The following CAMSAP2 variants were observed in gnomAD, a reference collection of about 807,000 sequenced individuals.
CAMSAP2 encodes calmodulin regulated spectrin associated protein family member 2.
A neutral mutation model predicts 146.1 loss-of-function variants in CAMSAP2; 26 were observed. That is an observed-to-expected ratio of 0.18 (90% CI 0.13 to 0.25). CAMSAP2 has a LOEUF of 0.25. CAMSAP2 is among the 10% of genes least tolerant of loss of function. CAMSAP2 has a pLI of 1.00. For synonymous variants in CAMSAP2, 499 were observed against 596.6 expected (o/e 0.84, Z 2.38); for missense variants, 1,381 against 1,759.3 (o/e 0.78, Z 3.85).
intron 11 of CAMSAP2, among the ~76,000 whole-genome samples, chr1:200,851,617 T>C (rs540955972): frequency 6.6e-6 from 1 of 152,364 alleles, no homozygotes; most frequent in East Asian, 1.9e-4. Flanking sequence ...ATCTTCTGAC[T>C]TTCTCCATTC....
intron 2 of CAMSAP2, among the ~76,000 whole-genome samples, chr1:200,787,241 C>T (rs1665619512): frequency 6.6e-6 from 1 of 152,126 alleles, no homozygotes; most frequent in Admixed American, 6.5e-5. Flanking sequence ...AGTGATTCCT[C>T]TGTTGGATCT....
chr1:200,843,997 G>T (rs1200071203), intron 7 of CAMSAP2, among the ~76,000 whole-genome samples: 1 of 151,832 alleles, frequency 6.6e-6, no homozygotes, highest in East Asian at 2.0e-4. Context: ...TCAGCCTCCT[G>T]AGTAGCTGGG....
chr1:200,762,449 A>G (rs1177808011), intron 2 of CAMSAP2, among the ~76,000 whole-genome samples: 1 of 152,178 alleles, frequency 6.6e-6, no homozygotes, highest in African/African-American at 2.4e-5. Flanking sequence ...CATACCAGGG[A>G]CAAGCAGAAT....
chr1:200,767,586 G>T (rs1664990482), intron 2 of CAMSAP2, among the ~76,000 whole-genome samples: 1 of 151,202 alleles, frequency 6.6e-6, no homozygotes, highest in Non-Finnish European at 1.5e-5. Context: ...TTGTGTAGAG[G>T]CTTGTTAAAA....
At chr1:200,842,564 AG>A (rs1225714350) in intron 7 of CAMSAP2, among the ~76,000 whole-genome samples, 5 of 152,208 alleles carry the variant, frequency 3.3e-5, no homozygotes, top group Non-Finnish European at 7.3e-5. Context: ...GTAAGAAATA[AG>A]GGGGTTACTG....
At chr1:200,805,421 C>T (rs1418144063) in intron 2 of CAMSAP2, among the ~76,000 whole-genome samples, 1 of 152,144 alleles carries the variant, frequency 6.6e-6, no homozygotes, top group Non-Finnish European at 1.5e-5. Flanking sequence ...AGGAAGATAA[C>T]TGAGATAATA....
intron 3 of CAMSAP2, among the ~76,000 whole-genome samples, chr1:200,810,806 T>A (rs1380488922): frequency 6.6e-6 from 1 of 151,996 alleles, no homozygotes; most frequent in African/African-American, 2.4e-5. Context: ...GGAGAACCAC[T>A]TGAACCTGGT....
intron 7 of CAMSAP2, 115 bp downstream of exon 7, chr1:200,842,202 C>T: frequency 1.4e-6 from 1 of 717,470 alleles, no homozygotes; most frequent in Non-Finnish European, 2.3e-6. Context: ...TTTTAGATTT[C>T]AGCTATTACA....
intron 3 of CAMSAP2, among the ~76,000 whole-genome samples, chr1:200,812,063 C>T (rs1386976963): frequency 1.3e-5 from 2 of 152,188 alleles, no homozygotes; most frequent in African/African-American, 4.8e-5. Context: ...CCCTTGTTTT[C>T]TATACCCTAA....
intron 4 of CAMSAP2, among the ~76,000 whole-genome samples, chr1:200,816,602 A>AT (rs1666494372): frequency 4.5e-5 from 5 of 111,086 alleles, no homozygotes; most frequent in Admixed American, 9.4e-5. Context: ...CTCAAAAAAA[A>AT]AAAATATATA....
chr1:200,814,182 T>C (rs1037048053), intron 3 of CAMSAP2, among the ~76,000 whole-genome samples: 2 of 144,418 alleles, frequency 1.4e-5, no homozygotes, highest in African/African-American at 5.2e-5. Flanking sequence ...AACAAACAAA[T>C]AGAAAACATT....
intron 4 of CAMSAP2, among the ~76,000 whole-genome samples, chr1:200,827,289 C>A (rs1274735577): frequency 6.6e-6 from 1 of 152,212 alleles, no homozygotes; most frequent in East Asian, 1.9e-4. Context: ...CGTTAAGAGA[C>A]TTCTTTGTAC....
At position 200,832,643 on chromosome 1, in the gene CAMSAP2, G is replaced by T; in HGVS notation, c.788-63G>T. 1.5e-6 allele frequency: 2 copies of T among 1,329,354 alleles called. No homozygotes were observed. Among genetic ancestry groups the T allele is most frequent in the East Asian group, 2.4e-5 (1 of 41,662 alleles). The allele number at this position is 1,329,354 out of a possible 1,614,324, so 82.3% of individuals were successfully genotyped here. A position where few individuals can be genotyped will look rare whatever the true frequency, so the allele number is the denominator to read the frequency against. On this transcript the variant is annotated intron_variant, in intron 5 of 16. Transcript: ENST00000358823. The surrounding 1 kb of genome is among the most constrained non-coding windows in gnomAD (Gnocchi z 4.2). ...GTGTATTTGTACTAATTACAAGATG[G>T]ATATGAAATATTTATTATCAAATTA...
At chr1:200,829,668 G>A (rs895879599) in intron 4 of CAMSAP2, among the ~76,000 whole-genome samples, 3 of 151,788 alleles carry the variant, frequency 2.0e-5, no homozygotes, top group African/African-American at 4.8e-5. Flanking sequence ...TGGCTCACGC[G>A]CATAATCCCA....
chr1:200,807,787 C>T (rs941821627), intron 3 of CAMSAP2, among the ~76,000 whole-genome samples: 5 of 145,442 alleles, frequency 3.4e-5, no homozygotes, highest in African/African-American at 1.3e-4. Context: ...GTCACCCAGG[C>T]TGGAGTGAAG....
chr1:200,853,036 A>G lies in CAMSAP2; in HGVS notation c.3603-239A>G, dbSNP rs1667663766. Among the ~76,000 whole-genome samples the G allele has an allele frequency of 6.6e-6, 1 of 151,310 alleles. No homozygotes were observed. Among genetic ancestry groups the G allele is most frequent in the African/African-American group, 2.4e-5 (1 of 41,172 alleles). ...ACACACACACACACACACACGACCT[A>G]AATTATCTCAAATACCTTTATTTTT... On this transcript the variant is annotated intron_variant, in intron 12 of 16. Coordinates refer to ENST00000358823, the MANE Select transcript of CAMSAP2 (RefSeq NM_203459.4). This position sits in a 1 kb window ranked among gnomAD's most constrained non-coding sequence, Gnocchi z 5.1.
In CAMSAP2 at chr1:200,832,673, A is replaced by G; in HGVS notation, c.788-33A>G. ...GAAATATTTATTATCAAATTAATCCAAAGTCACCACCTTGCTCTTTTCTTA... is the reference window on the plus strand; with the variant it reads ...GAAATATTTATTATCAAATTAATCCGAAGTCACCACCTTGCTCTTTTCTTA... On this transcript the variant is annotated intron_variant, in intron 5 of 16. Coordinates refer to ENST00000358823, the MANE Select transcript of CAMSAP2 (RefSeq NM_203459.4). This position sits in a 1 kb window ranked among gnomAD's most constrained non-coding sequence, Gnocchi z 4.2. 6.5e-7 allele frequency: 1 copy of G among 1,535,686 alleles called. No individual in the cohort carries two copies. The highest frequency in any genetic ancestry group is 1.4e-5 in the African/African-American group (1 of 71,574).
chr1:200,748,150 T>A (rs1049012020), intron 1 of CAMSAP2, among the ~76,000 whole-genome samples: 1 of 152,198 alleles, frequency 6.6e-6, no homozygotes, highest in East Asian at 1.9e-4. Context: ...ATCTCAAATA[T>A]ATACAATAAC....
chr1:200,856,776 T>C (rs774370056), intron 15 of CAMSAP2, among the ~76,000 whole-genome samples: 2 of 152,102 alleles, frequency 1.3e-5, no homozygotes, highest in Non-Finnish European at 2.9e-5. Flanking sequence ...GTGGAAACCC[T>C]AGAAAGGCCT....
Sources: gnomAD v4.1 joint callset for allele counts (sites outside exome capture counted in the v4.1 genomes callset) on GRCh38, gnomAD v4.1.1 for gene constraint, Gnocchi (gnomAD v3.1) non-coding constraint, MANE v1.5 for transcripts, NCBI Gene and HGNC (gene_info 2026-07-23, HGNC 2026-07-21) for gene names.